PCDHGA8: variants seen among roughly 807,000 people sequenced by gnomAD.
The protein encoded by PCDHGA8 is protocadherin gamma-A8.
A neutral mutation model predicts 59.2 loss-of-function variants in PCDHGA8; 45 were observed. That is an observed-to-expected ratio of 0.76 (90% CI 0.60 to 0.98). The LOEUF (loss-of-function observed/expected upper bound fraction) is 0.98. PCDHGA8 is among the 50% of genes least tolerant of loss of function. The probability of loss-of-function intolerance (pLI) is 0.00; values close to 1 mark genes in which losing one functional copy is unlikely to be tolerated. For missense variants in PCDHGA8, 1,257 were observed against 1,196.2 expected (o/e 1.05, Z -0.75); for synonymous variants, 531 against 519.0 (o/e 1.02, Z -0.32).
In PCDHGA8 at chr5:141,415,247, C is replaced by T. The variant is rs181239359; in HGVS notation, c.2424+20010C>T. The stretch of plus-strand genomic sequence containing the variant: ...GAGTCTCCAGCTAACTCTGAAACCT[C>T]AGACCTCACTCTGTACCTGGTGGTA... On this transcript the variant is annotated intron_variant, in intron 1 of 3. Transcript: ENST00000398604. 958 of 1,614,210 alleles carry T rather than the reference C, an allele frequency of 5.9e-4. 13 individuals are homozygous for T. The East Asian group carries it at 0.015, about 25-fold the overall frequency.
At chr5:141,435,362 C>A (rs2097758711) in intron 1 of PCDHGA8, among the ~76,000 whole-genome samples, 1 of 152,120 alleles carries the variant, frequency 6.6e-6, no homozygotes, top group Admixed American at 6.6e-5. Flanking sequence ...AAAATTTTAT[C>A]ACTTAAATAT....
At chr5:141,398,367 G>C (rs1480641333) in intron 1 of PCDHGA8, 1 of 1,430,476 alleles carries the variant, frequency 7.0e-7, no homozygotes, top group Non-Finnish European at 9.7e-7. Context: ...TGAGCGCAGA[G>C]AGCGGGGAGT....
intron 1 of PCDHGA8, chr5:141,428,119 C>T (rs2097112199): frequency 6.2e-7 from 1 of 1,606,512 alleles, no homozygotes; most frequent in Non-Finnish European, 8.5e-7. Context: ...GCCATCGAGC[C>T]CGGGCTTTTC....
chr5:141,477,438 C>T lies in PCDHGA8; in HGVS notation c.2425-17369C>T, dbSNP rs1386997844. On this transcript the variant is annotated intron_variant, in intron 1 of 3. Transcript: ENST00000398604. This position sits in a 1 kb window ranked among gnomAD's most constrained non-coding sequence, Gnocchi z 4.9. ...GGAACCCCTTCCCTCTCAGCCCTTA[C>T]AATAGTGCGTGTTCAAGTGTCCGAC... 6.2e-7 allele frequency: 1 copy of T among 1,614,174 alleles called. No homozygotes were observed. The highest frequency in any genetic ancestry group is 8.5e-7 in the Non-Finnish European group (1 of 1,180,030).
At chr5:141,482,611 G>T (rs1016481108) in intron 1 of PCDHGA8, among the ~76,000 whole-genome samples, 1 of 150,398 alleles carries the variant, frequency 6.6e-6, no homozygotes, top group Admixed American at 6.6e-5. Context: ...ACACCTAAAT[G>T]AGCCTGGAGA....
At chr5:141,405,369 T>C in intron 1 of PCDHGA8, 3 of 1,606,526 alleles carry the variant, frequency 1.9e-6, no homozygotes, top group Non-Finnish European at 2.5e-6. Context: ...GACACCCCTT[T>C]GGTTCCGGTG....
chr5:141,489,635 G>T lies in PCDHGA8; in HGVS notation c.2425-5172G>T, dbSNP rs1380466520. On this transcript the variant is annotated intron_variant, in intron 1 of 3. Coordinates refer to ENST00000398604, the MANE Select transcript of PCDHGA8 (RefSeq NM_032088.2). This position sits in a 1 kb window ranked among gnomAD's most constrained non-coding sequence, Gnocchi z 4.5. ...CTGGATCTCAATGACAACTCTCCTA[G>T]CTTTGCCACCCCTGAGCGAGAGATG... 1.2e-6 allele frequency: 2 copies of T among 1,614,024 alleles called. No homozygotes were observed. The highest frequency in any genetic ancestry group is 2.7e-5 in the African/African-American group (2 of 74,908).
At position 141,431,203 on chromosome 5, in the gene PCDHGA8, T is replaced by C. The variant is rs139061906; in HGVS notation, c.2424+35966T>C. On this transcript the variant is annotated intron_variant, in intron 1 of 3. Coordinates refer to ENST00000398604, the MANE Select transcript of PCDHGA8 (RefSeq NM_032088.2). This position sits in a 1 kb window ranked among gnomAD's most constrained non-coding sequence, Gnocchi z 4.8. ...TAAAAATTAGTGAAAATGCAGCCACTGAGATGCGGTTCCCTCTACCCCACG... is the reference window on the plus strand; with the variant it reads ...TAAAAATTAGTGAAAATGCAGCCACCGAGATGCGGTTCCCTCTACCCCACG... The C allele has an allele frequency of 3.1e-6, 5 of 1,614,116 alleles. No individual in the cohort carries two copies. The highest frequency in any genetic ancestry group is 1.1e-5 in the South Asian group (1 of 91,090).
chr5:141,500,430 C>T (rs2099800127), intron 2 of PCDHGA8, among the ~76,000 whole-genome samples: 1 of 151,676 alleles, frequency 6.6e-6, no homozygotes, highest in African/African-American at 2.4e-5. Context: ...AGGATGGTCT[C>T]GATCTCCTGA....
At chr5:141,502,552 T>C (rs1217408446) in intron 2 of PCDHGA8, among the ~76,000 whole-genome samples, 1 of 152,146 alleles carries the variant, frequency 6.6e-6, no homozygotes, top group Non-Finnish European at 1.5e-5. Context: ...AAAAACAGTG[T>C]CCCAGATCTC....
intron 1 of PCDHGA8, chr5:141,419,783 C>A: frequency 1.2e-6 from 2 of 1,614,070 alleles, no homozygotes; most frequent in Non-Finnish European, 1.7e-6. Context: ...CCGCCAGCGC[C>A]TGCTAGTCGC....
At chr5:141,411,319 C>T (rs532552346) in intron 1 of PCDHGA8, 1 of 152,262 alleles carries the variant, frequency 6.6e-6, no homozygotes, top group South Asian at 2.1e-4. Flanking sequence ...CCTATAATCA[C>T]AGCACTTTGA....
Position 141,405,636 on chromosome 5 carries a change from G to A in PCDHGA8, c.2424+10399G>A, listed in dbSNP as rs546836247. 7 of 528,588 alleles carry A rather than the reference G, an allele frequency of 1.3e-5. 1 individual carries two copies. The highest frequency in any genetic ancestry group is 8.1e-5 in the South Asian group (3 of 37,242). The allele number at this position is 528,588 out of a possible 1,614,324, so 32.7% of individuals were successfully genotyped here. A position where few individuals can be genotyped will look rare whatever the true frequency, so the allele number is the denominator to read the frequency against. On this transcript the variant is annotated intron_variant, in intron 1 of 3. Coordinates refer to ENST00000398604, the MANE Select transcript of PCDHGA8 (RefSeq NM_032088.2). ...ACTACAGGCACGTGCCACCACGCCC[G>A]GCTAATTTTTTGTGTGTTTTTAGTA...
In PCDHGA8 at chr5:141,457,491, A is replaced by G. The variant is rs1462989353; in HGVS notation, c.2425-37316A>G. Among the ~76,000 whole-genome samples, 9 of 152,368 alleles carry G rather than the reference A, an allele frequency of 5.9e-5. No individual in the cohort carries two copies. The East Asian group carries it at 1.5e-3, about 26-fold the overall frequency. On this transcript the variant is annotated intron_variant, in intron 1 of 3. Transcript: ENST00000398604. ...ATAAGCAGGGCCAGGGTTAGTCTAA[A>G]ATGTAGGCAAAAAGCTTAAAAACAA...
intron 1 of PCDHGA8, among the ~76,000 whole-genome samples, chr5:141,463,736 G>A (rs757788192): frequency 1.3e-5 from 2 of 151,992 alleles, no homozygotes; most frequent in East Asian, 3.9e-4. Flanking sequence ...ATGAGCCACC[G>A]CGCCCGGCCT....
chr5:141,432,287 G>T lies in PCDHGA8; in HGVS notation c.2424+37050G>T. 1 of 1,614,216 alleles carries T rather than the reference G, an allele frequency of 6.2e-7. No individual in the cohort carries two copies. The highest frequency in any genetic ancestry group is 8.5e-7 in the Non-Finnish European group (1 of 1,180,030). On this transcript the variant is annotated intron_variant, in intron 1 of 3. Coordinates refer to ENST00000398604, the MANE Select transcript of PCDHGA8 (RefSeq NM_032088.2). This position sits in a 1 kb window ranked among gnomAD's most constrained non-coding sequence, Gnocchi z 6.0. ...ATCGTCCTACGTGTCCATCAACTCC[G>T]ACACTGGGGTACTGTATGCGCTGAG...
At chr5:141,500,326 A>T (rs1041431019) in intron 2 of PCDHGA8, among the ~76,000 whole-genome samples, 7 of 152,022 alleles carry the variant, frequency 4.6e-5, no homozygotes, top group Non-Finnish European at 1.0e-4. Context: ...CTCCTGCCTC[A>T]GCCTCCAGAA....
intron 1 of PCDHGA8, among the ~76,000 whole-genome samples, chr5:141,468,952 G>GT (rs34870721): frequency 0.24 from 35,946 of 151,248 alleles, 4,442 homozygotes; most frequent in Admixed American, 0.32. Flanking sequence ...TAAACCTGTG[G>GT]TTTTTTTTAC....
At chr5:141,459,149 T>C (rs2098961903) in intron 1 of PCDHGA8, among the ~76,000 whole-genome samples, 1 of 152,234 alleles carries the variant, frequency 6.6e-6, no homozygotes, top group Non-Finnish European at 1.5e-5. Context: ...AATCAAAATA[T>C]AGAACATTTC....
Sources: allele counts gnomAD v4.1 joint callset (sites outside exome capture counted in the v4.1 genomes callset), GRCh38; gene constraint gnomAD v4.1.1; non-coding constraint Gnocchi (gnomAD v3.1); transcripts MANE v1.5; gene names NCBI Gene and HGNC (gene_info 2026-07-23, HGNC 2026-07-21).